SFMBT2: variants seen among roughly 807,000 people sequenced by gnomAD.
The protein encoded by SFMBT2 is scm-like with four MBT domains protein 2.
In SFMBT2, 38 loss-of-function variants were observed where a neutral mutation model predicts 110.1. The ratio of observed to expected loss-of-function variants is 0.35; its 90% CI spans 0.27 to 0.45. SFMBT2 has a LOEUF of 0.45. Among genes scored for constraint, SFMBT2 ranks in the 20% least tolerant of loss-of-function variants. SFMBT2 has a pLI of 1.00. For missense variants in SFMBT2, 1,011 were observed against 1,094.9 expected, an observed-to-expected ratio of 0.92 and a Z score of 1.08; for synonymous variants, 425 against 425.4, an observed-to-expected ratio of 1.00 and a Z score of 0.01.
At chr10:7,273,196 CTT>C (rs929055681) in intron 7 of SFMBT2, among the ~76,000 whole-genome samples, 2 of 152,228 alleles carry the variant, frequency 1.3e-5, no homozygotes, top group African/African-American at 4.8e-5. Flanking sequence ...TTTTTAGCCA[CTT>C]TTAGTGAGAA....
At position 7,293,151 on chromosome 10, in the gene SFMBT2, C is replaced by T. The variant is rs1005306713; in HGVS notation, c.437-7197G>A. Among the ~76,000 whole-genome samples the T allele has an allele frequency of 1.3e-5, 2 of 152,172 alleles. No homozygotes were observed. Among genetic ancestry groups the T allele is most frequent in the South Asian group, 4.2e-4 (2 of 4,812 alleles). ...GCAACCTCCACCTCCTGGGTTCAAGCGATTCTCCTACCTCAGCCTCCCAAG... is the reference window on the plus strand; with the variant it reads ...GCAACCTCCACCTCCTGGGTTCAAGTGATTCTCCTACCTCAGCCTCCCAAG... On this transcript the variant is annotated intron_variant, in intron 4 of 20. Coordinates refer to ENST00000397167, the MANE Select transcript of SFMBT2 (RefSeq NM_001387889.1). The surrounding 1 kb of genome is among the most constrained non-coding windows in gnomAD (Gnocchi z 4.6).
intron 6 of SFMBT2, among the ~76,000 whole-genome samples, chr10:7,278,535 G>C (rs1841852171): frequency 6.6e-6 from 1 of 152,226 alleles, no homozygotes. Context: ...CTCCTGATGG[G>C]ACAGGGACCA....
At chr10:7,403,589 C>T (rs1846140410) in intron 1 of SFMBT2, among the ~76,000 whole-genome samples, 1 of 152,142 alleles carries the variant, frequency 6.6e-6, no homozygotes, top group South Asian at 2.1e-4. Context: ...TCGCAATGAG[C>T]CGAGATCGCA....
chr10:7,188,286 T>TAATGATGAGGGATATCAC (rs1564373559), intron 16 of SFMBT2, among the ~76,000 whole-genome samples: 1 of 152,174 alleles, frequency 6.6e-6, no homozygotes, highest in Non-Finnish European at 1.5e-5. Context: ...GAACATAGTA[T>TAATGATGAGGGATATCAC]AATAATGATG....
chr10:7,370,375 T>A lies in SFMBT2; in HGVS notation c.101A>T (p.Glu34Val). 6.2e-7 allele frequency: 1 copy of A among 1,613,782 alleles called. No homozygotes were observed. Among genetic ancestry groups the A allele is most frequent in the Non-Finnish European group, 8.5e-7 (1 of 1,179,756 alleles). ...AGTTTCCTCCAAGCTTGAGCCTTCTTCTGTTGAAAAACAAAAGAACAGAAT... is the reference window on the plus strand; with the variant it reads ...AGTTTCCTCCAAGCTTGAGCCTTCTACTGTTGAAAAACAAAAGAACAGAAT... ...SANGNGDLDSEEGSSLEETGF... is the reference protein window; with the variant it reads ...SANGNGDLDSVEGSSLEETGF... The change falls in exon 3 of 21, where the codon GAA becomes GTA. Residue 34 changes from glutamate (E) to valine (V), a missense_variant and splice_region_variant. Glu to Val is a moderately radical substitution (Grantham distance 121, BLOSUM62 -2). Coordinates refer to ENST00000397167, the MANE Select transcript of SFMBT2 (RefSeq NM_001387889.1).
chr10:7,335,489 G>C (rs1196936458), intron 4 of SFMBT2, among the ~76,000 whole-genome samples: 1 of 151,824 alleles, frequency 6.6e-6, no homozygotes, highest in Admixed American at 6.6e-5. Context: ...GGTTGCTATG[G>C]AGAATCTGCA....
At chr10:7,368,276 G>T in intron 3 of SFMBT2, 2 of 932,912 alleles carry the variant, frequency 2.1e-6, no homozygotes, top group South Asian at 4.9e-5. Flanking sequence ...GGACTACACG[G>T]TTTTCAAGGA....
intron 4 of SFMBT2, among the ~76,000 whole-genome samples, chr10:7,318,722 C>T (rs148489602): frequency 0.013 from 2,056 of 152,344 alleles, 45 homozygotes; most frequent in African/African-American, 0.046. Flanking sequence ...CGCGTCTCCG[C>T]GTCTTCTATT....
chr10:7,174,697 G>A (rs575895626), intron 17 of SFMBT2, among the ~76,000 whole-genome samples: 102 of 152,320 alleles, frequency 6.7e-4, no homozygotes, highest in African/African-American at 2.4e-3. Flanking sequence ...AGCATTCACC[G>A]TACACGGCAA....
chr10:7,227,871 G>A lies in SFMBT2; in HGVS notation c.1187C>T (p.Pro396Leu), dbSNP rs757548579. The A allele has an allele frequency of 3.7e-6, 6 of 1,609,292 alleles. No individual in the cohort carries two copies. The South Asian group carries it at 5.6e-5, about 15-fold the overall frequency. ...HKQHGAQEAP[P>L]FCFRNTSFSR... ...GCTTCTTACATTTCGGAAGCAGAAG[G>A]GAGGGGCTTCCTGCGCCCCATGCTG... Residue 396 changes from proline to leucine, a missense_variant, in exon 10 of 21, where the codon CCC becomes CTC. Pro to Leu is a moderately conservative substitution (Grantham distance 98). Transcript: ENST00000397167.
At position 7,205,917 on chromosome 10, in the gene SFMBT2, G is replaced by A. The variant is rs1017081742; in HGVS notation, c.1342C>T (p.Pro448Ser). 1.5e-5 allele frequency: 24 copies of A among 1,613,882 alleles called. No individual in the cohort carries two copies. The highest frequency in any genetic ancestry group is 2.7e-5 in the African/African-American group (2 of 74,916). Residue 448 changes from proline to serine, a missense_variant, in exon 12 of 21, where the codon CCT becomes TCT. Physicochemically the swap from Pro to Ser is moderately conservative, Grantham distance 74. Transcript: ENST00000397167. ...MWLHLEGLQT[P>S]VPEVIVDVES... ...ACATCAACAATGACCTCTGGAACAG[G>A]AGTCTGCAGCCCTGCATGGGAAGAA...
chr10:7,266,464 T>C (rs1057384033), intron 7 of SFMBT2, among the ~76,000 whole-genome samples: 1 of 152,106 alleles, frequency 6.6e-6, no homozygotes, highest in Non-Finnish European at 1.5e-5. Flanking sequence ...GGGGTGACCT[T>C]CCAGGCAGAC....
intron 14 of SFMBT2, among the ~76,000 whole-genome samples, chr10:7,199,600 T>G (rs890410251): frequency 3.9e-5 from 6 of 152,220 alleles, no homozygotes; most frequent in Admixed American, 1.3e-4. Context: ...AAAGTTTGAA[T>G]TATATAAAAC....
intron 12 of SFMBT2, chr10:7,205,394 T>G: frequency 1.0e-6 from 1 of 984,800 alleles, no homozygotes; most frequent in Non-Finnish European, 1.2e-6. Flanking sequence ...CCTAGCCTGG[T>G]TAAGTGTTTA....
intron 11 of SFMBT2, chr10:7,206,990 C>T (rs1466328083): frequency 1.1e-6 from 1 of 902,958 alleles, no homozygotes; most frequent in Non-Finnish European, 1.3e-6. Context: ...CTTTGGGAGG[C>T]CAAGGCCAGC....
rs370780802 is a variant in SFMBT2, at chr10:7,367,650, G to A, written c.435C>T (p.Asp145=). The stretch of plus-strand genomic sequence containing the variant: ...GAAGCCTTTGAAACAGGGGCTCACC[G>A]TCCGGCGGCATCAACACCTTGTTGT... ...TQNNKVLMPP[D]AIKEKYTDWT... The change falls in exon 4 of 21, where the codon GAC becomes GAT. Residue 145 remains aspartate, a splice_region_variant and synonymous_variant. Transcript: ENST00000397167. The surrounding 1 kb of genome is among the most constrained non-coding windows in gnomAD (Gnocchi z 6.2). 2.4e-5 allele frequency: 39 copies of A among 1,608,036 alleles called. No homozygotes were observed. Among genetic ancestry groups the A allele is most frequent in the Admixed American group, 1.3e-4 (8 of 59,916 alleles).
At chr10:7,180,918 T>C (rs1245929467) in intron 16 of SFMBT2, among the ~76,000 whole-genome samples, 2 of 152,112 alleles carry the variant, frequency 1.3e-5, no homozygotes, top group African/African-American at 4.8e-5. Flanking sequence ...CCTGGCATGC[T>C]GGACTGGAAT....
intron 1 of SFMBT2, among the ~76,000 whole-genome samples, chr10:7,400,570 G>A (rs1278736817): frequency 6.6e-6 from 1 of 152,252 alleles, no homozygotes; most frequent in African/African-American, 2.4e-5. Flanking sequence ...TCACCTAAAG[G>A]CAGGGGGCAC....
chr10:7,249,451 A>G, intron 7 of SFMBT2: 1 of 914,794 alleles, frequency 1.1e-6, no homozygotes, highest in Non-Finnish European at 1.3e-6. Flanking sequence ...CATAACTCAC[A>G]GTCTGGATAA....
Sources: allele counts gnomAD v4.1 joint callset (sites outside exome capture counted in the v4.1 genomes callset), GRCh38; gene constraint gnomAD v4.1.1; non-coding constraint Gnocchi (gnomAD v3.1); transcripts MANE v1.5; gene names NCBI Gene and HGNC (gene_info 2026-07-23, HGNC 2026-07-21).